Variants in ARPP21 observed in about 807,000 individuals in gnomAD.
ARPP21 encodes the protein cAMP regulated phosphoprotein 21, also known as cAMP-regulated phosphoprotein 21.
A neutral mutation model predicts 113.2 loss-of-function variants in ARPP21; 69 were observed. That is an observed-to-expected ratio of 0.61 (90% CI 0.50 to 0.74). ARPP21 has a LOEUF of 0.74. Ranked by LOEUF, ARPP21 falls within the 30% of genes least tolerant of loss-of-function variation. The pLI, the probability that ARPP21 is intolerant of heterozygous loss-of-function variation, is 0.00. For synonymous variants in ARPP21, 368 were observed against 375.5 expected (o/e 0.98, Z 0.23); for missense variants, 1,070 against 1,037.4 (o/e 1.03, Z -0.43).
intron 19 of ARPP21, among the ~76,000 whole-genome samples, chr3:35,774,266 G>T (rs2096289151): frequency 6.6e-6 from 1 of 152,020 alleles, no homozygotes; most frequent in African/African-American, 2.4e-5. Flanking sequence ...TTTCCCATAT[G>T]ATAAAAAATG....
intron 19 of ARPP21, among the ~76,000 whole-genome samples, chr3:35,777,576 A>C (rs190640334): frequency 6.6e-6 from 1 of 152,336 alleles, no homozygotes; most frequent in East Asian, 1.9e-4. Context: ...ATTATGGCTA[A>C]ATGTACTAAA....
chr3:35,744,109 A>C, intron 19 of ARPP21, 144 bp downstream of exon 19: 2 of 852,836 alleles, frequency 2.3e-6, no homozygotes, highest in Non-Finnish European at 3.7e-6. Context: ...CATTTGATTG[A>C]CTCTGTGTGG....
chr3:35,662,931 G>A (rs1708470153), intron 1 of ARPP21, among the ~76,000 whole-genome samples: 1 of 152,058 alleles, frequency 6.6e-6, no homozygotes, highest in South Asian at 2.1e-4. Context: ...AGTGGCATAG[G>A]GAAGAAAGGA....
At chr3:35,743,768 C>T in intron 18 of ARPP21, 71 bp from the exon 19 acceptor site, 5 of 1,517,592 alleles carry the variant, frequency 3.3e-6, no homozygotes, top group Non-Finnish European at 4.6e-6. Flanking sequence ...AAGACGAAAG[C>T]ATATTTTAAG....
chr3:35,770,312 G>A (rs1348412188), intron 19 of ARPP21, among the ~76,000 whole-genome samples: 1 of 151,902 alleles, frequency 6.6e-6, no homozygotes, highest in Non-Finnish European at 1.5e-5. Flanking sequence ...GTGGGTTGGT[G>A]TTACCAAAGG....
At chr3:35,729,638 C>A (rs2093801504) in intron 15 of ARPP21, 102 bp downstream of exon 15, 9 of 1,042,790 alleles carry the variant, frequency 8.6e-6, no homozygotes, top group Non-Finnish European at 1.3e-5. Context: ...AATTCCTGAA[C>A]AGGAAAGCTA....
chr3:35,684,536 T>C (rs1190946269), intron 5 of ARPP21: 2 of 985,526 alleles, frequency 2.0e-6, no homozygotes, highest in Non-Finnish European at 1.2e-6. Flanking sequence ...TATTAGCTTT[T>C]ATAAAAAATG....
chr3:35,691,117 T>A, intron 9 of ARPP21, 112 bp downstream of exon 9: 1 of 1,157,314 alleles, frequency 8.6e-7, no homozygotes, highest in South Asian at 1.9e-5. Context: ...GCAGTGTTAT[T>A]TATCTCTTGC....
intron 19 of ARPP21, among the ~76,000 whole-genome samples, chr3:35,758,077 C>T (rs1447244696): frequency 6.6e-6 from 1 of 152,026 alleles, no homozygotes; most frequent in Admixed American, 6.6e-5. Flanking sequence ...AATAGCAACA[C>T]AATTTTAATA....
At chr3:35,666,929 G>T (rs2074522196) in intron 1 of ARPP21, among the ~76,000 whole-genome samples, 1 of 152,126 alleles carries the variant, frequency 6.6e-6, no homozygotes, top group South Asian at 2.1e-4. Flanking sequence ...ATTGCCACTG[G>T]CATCACTATG....
rs1298618694 is a variant in ARPP21 at position 35,682,896 on chromosome 3, T to C, written c.171+7T>C. On this transcript the variant is annotated splice_region_variant and intron_variant, in intron 4 of 20. Coordinates refer to ENST00000684406, the MANE Select transcript of ARPP21 (RefSeq NM_001385562.1). ...AGAAAGAAGAAAATCCAAGGTAGGG[T>C]TCTTAACATTCTAGGTAGACCTGAT... 6.2e-7 allele frequency: 1 copy of C among 1,606,924 alleles called. No individual in the cohort carries two copies. The highest frequency in any genetic ancestry group is 2.2e-5 in the East Asian group (1 of 44,662).
chr3:35,660,488 C>T (rs1183141355), intron 1 of ARPP21, among the ~76,000 whole-genome samples: 1 of 152,166 alleles, frequency 6.6e-6, no homozygotes, highest in African/African-American at 2.4e-5. Flanking sequence ...TCAAACTATC[C>T]TTGCTATTGG....
Position 35,721,841 on chromosome 3 carries a change from A to C in ARPP21, c.1225+7A>C, listed in dbSNP as rs575410535. On this transcript the variant is annotated splice_region_variant and intron_variant, in intron 14 of 20. Coordinates refer to ENST00000684406, the MANE Select transcript of ARPP21 (RefSeq NM_001385562.1). ...GGGAAGCTGTCCAAAGCAGGTAGTTAGTACTGAATGTGTTTATGTCCTGTG... is the reference window on the plus strand; with the variant it reads ...GGGAAGCTGTCCAAAGCAGGTAGTTCGTACTGAATGTGTTTATGTCCTGTG... 1 of 1,571,536 alleles carries C rather than the reference A, an allele frequency of 6.4e-7. No homozygotes were observed. The highest frequency in any genetic ancestry group is 2.3e-5 in the East Asian group (1 of 43,830).
At chr3:35,649,934 C>A (rs1038929617) in intron 1 of ARPP21, among the ~76,000 whole-genome samples, 9 of 152,130 alleles carry the variant, frequency 5.9e-5, no homozygotes, top group Non-Finnish European at 1.2e-4. Flanking sequence ...AGTTTGCTTT[C>A]TTAATTTGTT....
chr3:35,768,331 G>A (rs1387981394), intron 19 of ARPP21, among the ~76,000 whole-genome samples: 3 of 151,864 alleles, frequency 2.0e-5, no homozygotes, highest in Non-Finnish European at 4.4e-5. Context: ...GATTCAGCTG[G>A]CAAATTCTAC....
At chr3:35,662,150 T>C (rs1029067623) in intron 1 of ARPP21, among the ~76,000 whole-genome samples, 4 of 152,162 alleles carry the variant, frequency 2.6e-5, no homozygotes, top group African/African-American at 7.2e-5. Flanking sequence ...ATAGTGTGTG[T>C]GGTTTATTTT....
At chr3:35,732,317 A>G (rs1161644208) in intron 15 of ARPP21, among the ~76,000 whole-genome samples, 1 of 152,156 alleles carries the variant, frequency 6.6e-6, no homozygotes, top group Non-Finnish European at 1.5e-5. Flanking sequence ...ACTCACATAT[A>G]CCCTTGCAGT....
intron 13 of ARPP21, among the ~76,000 whole-genome samples, chr3:35,721,270 A>G (rs2093040481): frequency 2.0e-5 from 3 of 152,216 alleles, no homozygotes; most frequent in African/African-American, 7.2e-5. Context: ...TTGAGTCAGG[A>G]GAAGTTATCC....
At chr3:35,700,882 G>A (rs1351279224) in intron 9 of ARPP21, among the ~76,000 whole-genome samples, 1 of 151,562 alleles carries the variant, frequency 6.6e-6, no homozygotes, top group Non-Finnish European at 1.5e-5. Flanking sequence ...GTCGGGCAGT[G>A]GGGGGCTGGG....
Sources: allele counts gnomAD v4.1 joint callset (sites outside exome capture counted in the v4.1 genomes callset), GRCh38; gene constraint gnomAD v4.1.1; transcripts MANE v1.5; gene names NCBI Gene and HGNC (gene_info 2026-07-23, HGNC 2026-07-21).